Variants in CREB3L2 observed in about 807,000 individuals in gnomAD.
CREB3L2 encodes the protein cyclic AMP-responsive element-binding protein 3-like protein 2.
Under a neutral mutation model 57.2 loss-of-function variants are expected in CREB3L2, and 23 were observed. That is an observed-to-expected ratio of 0.40 (90% CI 0.29 to 0.57). The LOEUF (loss-of-function observed/expected upper bound fraction) is 0.57, where lower values mean the gene tolerates loss of function less well. CREB3L2 is among the 20% of genes least tolerant of loss of function. CREB3L2 has a pLI of 0.42. For missense variants in CREB3L2, 628 were observed against 634.7 expected (o/e 0.99, Z 0.11); for synonymous variants, 268 against 265.1 (o/e 1.01, Z -0.11).
rs114595681 is a variant in CREB3L2 at position 137,988,369 on chromosome 7, A to G, written c.102+13235T>C. On this transcript the variant is annotated intron_variant, in intron 1 of 11. Coordinates refer to ENST00000330387, the MANE Select transcript of CREB3L2 (RefSeq NM_194071.4). ...AGCTGCTCATTTTCTTTGAAGCTAC[A>G]ATTATTTACTTAATGTTCCTTCTGC... Among the ~76,000 whole-genome samples the G allele has an allele frequency of 7.0e-3, 1,074 of 152,348 alleles. 12 individuals carry two copies. Among genetic ancestry groups the G allele is most frequent in the African/African-American group, 0.025 (1,025 of 41,576 alleles).
intron 1 of CREB3L2, among the ~76,000 whole-genome samples, chr7:137,928,784 C>T (rs1373268553): frequency 2.6e-5 from 4 of 152,136 alleles, no homozygotes; most frequent in South Asian, 2.1e-4. Flanking sequence ...CCAGACATCA[C>T]GCATCATTAC....
chr7:137,933,889 T>C (rs1268586181), intron 1 of CREB3L2: 1 of 152,182 alleles, frequency 6.6e-6, no homozygotes, highest in Non-Finnish European at 1.5e-5. Flanking sequence ...AGTGGGCCCA[T>C]CTTTAATGCC....
chr7:137,940,939 C>T (rs956306655), intron 1 of CREB3L2, among the ~76,000 whole-genome samples: 11 of 152,204 alleles, frequency 7.2e-5, no homozygotes, highest in Admixed American at 2.6e-4. Context: ...TACCCCTCCA[C>T]CCCAAGATAA....
At chr7:137,989,668 C>T (rs1801853604) in intron 1 of CREB3L2, among the ~76,000 whole-genome samples, 2 of 152,112 alleles carry the variant, frequency 1.3e-5, no homozygotes, top group Admixed American at 1.3e-4. Flanking sequence ...GAACTCCAGA[C>T]CCAAGTCTCC....
chr7:137,965,025 TC>T (rs1801386846), intron 1 of CREB3L2, among the ~76,000 whole-genome samples: 1 of 152,134 alleles, frequency 6.6e-6, no homozygotes, highest in Non-Finnish European at 1.5e-5. Context: ...TTACCCAGAC[TC>T]AGGTATGTCT....
chr7:137,898,707 G>C (rs1799676220), intron 8 of CREB3L2, among the ~76,000 whole-genome samples: 1 of 151,596 alleles, frequency 6.6e-6, no homozygotes, highest in Non-Finnish European at 1.5e-5. Context: ...AGTGGACGAA[G>C]GACTGTGCTA....
chr7:137,984,306 T>G (rs1046648760), intron 1 of CREB3L2, among the ~76,000 whole-genome samples: 4 of 152,234 alleles, frequency 2.6e-5, no homozygotes, highest in Non-Finnish European at 4.4e-5. Flanking sequence ...TGGCCTCTTT[T>G]GCAGCTAGGG....
intron 1 of CREB3L2, among the ~76,000 whole-genome samples, chr7:137,959,532 G>T (rs1801281026): frequency 6.6e-6 from 1 of 152,244 alleles, no homozygotes; most frequent in Non-Finnish European, 1.5e-5. Context: ...TCACAGAATT[G>T]CAGGCTAAAT....
chr7:137,954,346 C>G lies in CREB3L2; in HGVS notation c.103-25980G>C, dbSNP rs141638938. Among the ~76,000 whole-genome samples, 1,032 of 152,272 alleles carry G rather than the reference C, an allele frequency of 6.8e-3. 8 individuals are homozygous for G. Among genetic ancestry groups the G allele is most frequent in the African/African-American group, 0.024 (999 of 41,556 alleles). On this transcript the variant is annotated intron_variant, in intron 1 of 11. Coordinates refer to ENST00000330387, the MANE Select transcript of CREB3L2 (RefSeq NM_194071.4). ...TCCACAGCTTACAAATACTCTTGCT[C>G]TTGCAGGTGGTGACAGCAGATAGCT...
chr7:137,932,542 G>A (rs1023110309), intron 1 of CREB3L2, among the ~76,000 whole-genome samples: 1 of 152,026 alleles, frequency 6.6e-6, no homozygotes, highest in African/African-American at 2.4e-5. Context: ...AGGCCAGCCT[G>A]GGCAACATGG....
intron 8 of CREB3L2, among the ~76,000 whole-genome samples, chr7:137,889,162 C>G (rs1412375544): frequency 6.6e-6 from 1 of 152,142 alleles, no homozygotes; most frequent in Non-Finnish European, 1.5e-5. Flanking sequence ...GGGCCCTGTA[C>G]CCCTTCCCCT....
chr7:137,971,155 A>T (rs139223652), intron 1 of CREB3L2, among the ~76,000 whole-genome samples: 254 of 149,682 alleles, frequency 1.7e-3, no homozygotes, highest in African/African-American at 5.9e-3. Flanking sequence ...AATTATGTTT[A>T]AAAAAAAAAC....
chr7:137,982,852 C>T (rs1450173537), intron 1 of CREB3L2, among the ~76,000 whole-genome samples: 2 of 152,092 alleles, frequency 1.3e-5, no homozygotes, highest in African/African-American at 2.4e-5. Context: ...ATGGTGCCCT[C>T]ATGATGGGAT....
At chr7:137,912,726 T>A in intron 4 of CREB3L2, 1 of 983,820 alleles carries the variant, frequency 1.0e-6, no homozygotes, top group Non-Finnish European at 1.5e-6. Flanking sequence ...CATAAAAGTT[T>A]TGAAAAATAT....
At chr7:137,935,653 T>C (rs1406602657) in intron 1 of CREB3L2, among the ~76,000 whole-genome samples, 1 of 152,220 alleles carries the variant, frequency 6.6e-6, no homozygotes, top group Non-Finnish European at 1.5e-5. Context: ...TCATAGATCG[T>C]AGATAGTTGC....
chr7:138,001,996 T>C lies in CREB3L2; in HGVS notation c.-291A>G. The stretch of plus-strand genomic sequence containing the variant: ...TCCAAAATGAAGGCAGAAGACCCGC[T>C]CTCATCCCAGGAAAATCCCTTAGCC... On this transcript the variant is annotated 5_prime_UTR_variant, in exon 1 of 12. Coordinates refer to ENST00000330387, the MANE Select transcript of CREB3L2 (RefSeq NM_194071.4). The surrounding 1 kb of genome is among the most constrained non-coding windows in gnomAD (Gnocchi z 4.2). 1 of 379,580 alleles carries C rather than the reference T, an allele frequency of 2.6e-6. No individual in the cohort carries two copies. Among genetic ancestry groups the C allele is most frequent in the African/African-American group, 2.1e-5 (1 of 48,450 alleles). The allele number at this position is 379,580 out of a possible 1,614,324, so 23.5% of individuals were successfully genotyped here.
chr7:137,936,587 G>T (rs908668642), intron 1 of CREB3L2, among the ~76,000 whole-genome samples: 1 of 152,078 alleles, frequency 6.6e-6, no homozygotes, highest in Non-Finnish European at 1.5e-5. Flanking sequence ...GAATGCTCCT[G>T]CCTGACAACC....
rs1367049592 is a variant in CREB3L2 at position 137,878,872 on chromosome 7, C to T, written c.*1604G>A. On this transcript the variant is annotated 3_prime_UTR_variant, in exon 12 of 12. Transcript: ENST00000330387. ...AAGCCAGGGTGTGGGCTTAATCCCTCTAAGTACAGGCTCCAATAACAATGC... is the reference window on the plus strand; with the variant it reads ...AAGCCAGGGTGTGGGCTTAATCCCTTTAAGTACAGGCTCCAATAACAATGC... The T allele has an allele frequency of 5.8e-6, 2 of 347,736 alleles. No homozygotes were observed. The highest frequency in any genetic ancestry group is 1.1e-5 in the Non-Finnish European group (2 of 186,194). 21.5% of individuals were successfully genotyped at this position (347,736 alleles called of 1,614,324 possible).
intron 1 of CREB3L2, among the ~76,000 whole-genome samples, chr7:137,972,237 G>A (rs546181634): frequency 2.6e-5 from 4 of 151,914 alleles, no homozygotes; most frequent in Non-Finnish European, 5.9e-5. Context: ...TCAGGAGTTC[G>A]AGACCAGCCT....
Sources: allele counts gnomAD v4.1 joint callset (sites outside exome capture counted in the v4.1 genomes callset), GRCh38; gene constraint gnomAD v4.1.1; non-coding constraint Gnocchi (gnomAD v3.1); transcripts MANE v1.5; gene names NCBI Gene and HGNC (gene_info 2026-07-23, HGNC 2026-07-21).